The following TMEM38B variants were observed in gnomAD, a reference collection of about 807,000 sequenced individuals.
The protein encoded by TMEM38B is transmembrane protein 38B, also known as trimeric intracellular cation channel type B.
In TMEM38B, 24 loss-of-function variants were observed where a neutral mutation model predicts 28.7. That is an observed-to-expected ratio of 0.84 (90% CI 0.61 to 1.18). TMEM38B has a LOEUF of 1.18. Among genes scored for constraint, TMEM38B ranks in the 50% most tolerant of loss-of-function variants. The pLI is 0.00. For synonymous variants in TMEM38B, 131 were observed against 127.7 expected, an observed-to-expected ratio of 1.03 and a Z score of -0.17; for missense variants, 380 against 350.9, an observed-to-expected ratio of 1.08 and a Z score of -0.66.
intron 3 of TMEM38B, 118 bp downstream of exon 3, chr9:105,721,839 G>T (rs1489672223): frequency 5.1e-6 from 4 of 786,878 alleles, no homozygotes; most frequent in Admixed American, 3.7e-5. Context: ...GAGACTTTTT[G>T]GAAGGTAAAA....
Position 105,709,754 on chromosome 9 carries a change from C to T in TMEM38B, c.269+4001C>T, listed in dbSNP as rs116651509. ...TGCATGTGGTGTACAAGTAAATAAA[C>T]GCAGATGCCAACAAAGCCAATGATT... On this transcript the variant is annotated intron_variant, in intron 2 of 5. Transcript: ENST00000374692. Among the ~76,000 whole-genome samples, 757 of 152,278 alleles carry T rather than the reference C, an allele frequency of 5.0e-3. 7 individuals carry two copies. Among genetic ancestry groups the T allele is most frequent in the African/African-American group, 0.017 (721 of 41,552 alleles).
In TMEM38B at chr9:105,759,128, T is replaced by C. The variant is rs758376660; in HGVS notation, c.660+10938T>C. On this transcript the variant is annotated intron_variant, in intron 5 of 5. Coordinates refer to ENST00000374692, the MANE Select transcript of TMEM38B (RefSeq NM_018112.3). The stretch of plus-strand genomic sequence containing the variant: ...GTGATGATACGAATAATCCAACTTA[T>C]GTTGGATTTGAACAAGATATATTCA... The C allele has an allele frequency of 2.8e-4, 221 of 780,154 alleles. 4 individuals are homozygous for C. Among genetic ancestry groups the C allele is most frequent in the Middle Eastern group, 2.7e-3 (9 of 3,350 alleles). 48.3% of individuals were successfully genotyped at this position (780,154 alleles called of 1,614,324 possible).
intron 5 of TMEM38B, chr9:105,759,180 C>A: frequency 2.7e-6 from 2 of 742,644 alleles, no homozygotes; most frequent in South Asian, 1.5e-5. Flanking sequence ...TTTTCTAGAT[C>A]TCCTTGAACC....
At chr9:105,747,530 C>T (rs1837461206) in intron 4 of TMEM38B, among the ~76,000 whole-genome samples, 1 of 152,080 alleles carries the variant, frequency 6.6e-6, no homozygotes, top group African/African-American at 2.4e-5. Flanking sequence ...AAAAACAGCT[C>T]CTGGATTCAT....
chr9:105,741,467 T>C (rs1837201434), intron 4 of TMEM38B, among the ~76,000 whole-genome samples: 1 of 152,160 alleles, frequency 6.6e-6, no homozygotes, highest in Admixed American at 6.5e-5. Context: ...AATACATATA[T>C]TGTTATAAGC....
intron 4 of TMEM38B, among the ~76,000 whole-genome samples, chr9:105,736,477 G>A (rs2133599864): frequency 6.6e-6 from 1 of 151,828 alleles, no homozygotes; most frequent in African/African-American, 2.4e-5. Context: ...TGTCTCTGTT[G>A]AGCTTCTCAT....
chr9:105,715,621 T>C (rs1389186151), intron 2 of TMEM38B, among the ~76,000 whole-genome samples: 2 of 152,152 alleles, frequency 1.3e-5, no homozygotes, highest in Non-Finnish European at 2.9e-5. Context: ...TCTTTTCTCT[T>C]TTCTCCTGCT....
chr9:105,730,953 T>G (rs1836717953), intron 4 of TMEM38B, among the ~76,000 whole-genome samples: 1 of 152,182 alleles, frequency 6.6e-6, no homozygotes, highest in African/African-American at 2.4e-5. Flanking sequence ...GATTCTTCTC[T>G]CTTTTCTTCT....
chr9:105,729,720 A>G (rs948095180), intron 4 of TMEM38B, among the ~76,000 whole-genome samples: 2 of 152,068 alleles, frequency 1.3e-5, no homozygotes, highest in African/African-American at 2.4e-5. Flanking sequence ...TGAGCAAGGA[A>G]TGTTCTTTCA....
intron 2 of TMEM38B, among the ~76,000 whole-genome samples, chr9:105,719,895 A>T (rs759854801): frequency 2.8e-4 from 42 of 152,062 alleles, no homozygotes; most frequent in Non-Finnish European, 5.4e-4. Context: ...TTCTTAATGT[A>T]ATCTATAATA....
chr9:105,703,467 T>C (rs1277922360), intron 1 of TMEM38B, among the ~76,000 whole-genome samples: 2 of 152,258 alleles, frequency 1.3e-5, no homozygotes, highest in African/African-American at 4.8e-5. Context: ...TTTGGGTTGG[T>C]TCCAAGTCTT....
chr9:105,739,537 CT>C (rs1837114505), intron 4 of TMEM38B, among the ~76,000 whole-genome samples: 2 of 151,864 alleles, frequency 1.3e-5, no homozygotes, highest in South Asian at 2.1e-4. Flanking sequence ...GTTCCTTTTT[CT>C]TTTTTTAGAC....
chr9:105,711,464 A>G (rs1204718850), intron 2 of TMEM38B, among the ~76,000 whole-genome samples: 2 of 151,992 alleles, frequency 1.3e-5, no homozygotes, highest in African/African-American at 4.8e-5. Context: ...AGAAAAGAAA[A>G]AGGAAAATAC....
intron 1 of TMEM38B, among the ~76,000 whole-genome samples, chr9:105,704,514 TAAA>T (rs748864092): frequency 1.3e-5 from 2 of 152,204 alleles, no homozygotes; most frequent in Non-Finnish European, 2.9e-5. Flanking sequence ...CTTTGACATT[TAAA>T]AAATATAAGC....
At chr9:105,705,780 T>C (rs1443229582) in intron 2 of TMEM38B, 27 bp downstream of exon 2, 2 of 1,595,966 alleles carry the variant, frequency 1.3e-6, no homozygotes, top group East Asian at 4.5e-5. Flanking sequence ...GTGACCTATG[T>C]GACATTTAAA....
At chr9:105,722,511 T>A (rs769358751) in intron 3 of TMEM38B, 23 bp from the exon 4 acceptor site, 2 of 1,603,128 alleles carry the variant, frequency 1.2e-6, no homozygotes, top group Admixed American at 3.3e-5. Flanking sequence ...CCAAATATTC[T>A]TGTTTTATTT....
At chr9:105,718,595 C>T (rs1434892933) in intron 2 of TMEM38B, among the ~76,000 whole-genome samples, 1 of 152,094 alleles carries the variant, frequency 6.6e-6, no homozygotes, top group Non-Finnish European at 1.5e-5. Flanking sequence ...AACAAGCAAG[C>T]AAGGTAATCT....
intron 4 of TMEM38B, among the ~76,000 whole-genome samples, chr9:105,731,461 C>T (rs1269682027): frequency 6.6e-6 from 1 of 152,084 alleles, no homozygotes; most frequent in Non-Finnish European, 1.5e-5. Context: ...CCCCCTCCCT[C>T]TCACCCCACG....
At chr9:105,763,526 A>C (rs2133643480) in intron 5 of TMEM38B, among the ~76,000 whole-genome samples, 1 of 152,324 alleles carries the variant, frequency 6.6e-6, no homozygotes. Flanking sequence ...CCCAAGACTA[A>C]ACCAGGAAGA....
Sources: gnomAD v4.1 joint callset for allele counts (sites outside exome capture counted in the v4.1 genomes callset) on GRCh38, gnomAD v4.1.1 for gene constraint, MANE v1.5 for transcripts, NCBI Gene and HGNC (gene_info 2026-07-23, HGNC 2026-07-21) for gene names.